MDGA2: variants seen among roughly 807,000 people sequenced by gnomAD.
The protein encoded by MDGA2 is MAM domain containing glycosylphosphatidylinositol anchor 2, also known as MAM domain-containing glycosylphosphatidylinositol anchor protein 2.
A neutral mutation model predicts 117.8 loss-of-function variants in MDGA2; 40 were observed. The ratio of observed to expected loss-of-function variants is 0.34; its 90% confidence interval spans 0.26 to 0.44. The LOEUF (loss-of-function observed/expected upper bound fraction) is 0.44, where lower values mean the gene tolerates loss of function less well. Ranked by LOEUF, MDGA2 falls within the 20% of genes least tolerant of loss-of-function variation. The pLI, the probability that MDGA2 is intolerant of heterozygous loss-of-function variation, is 1.00. For synonymous variants in MDGA2, 452 were observed against 439.0 expected (o/e 1.03, Z -0.37); for missense variants, 1,123 against 1,250.6 (o/e 0.90, Z 1.54).
chr14:47,348,052 A>G (rs1566749167), intron 1 of MDGA2, among the ~76,000 whole-genome samples: 1 of 152,064 alleles, frequency 6.6e-6, no homozygotes, highest in Non-Finnish European at 1.5e-5. Context: ...AAACTTTTTC[A>G]TAAAAAGCCT....
chr14:47,087,490 T>C, intron 6 of MDGA2, among the ~76,000 whole-genome samples: 1 of 138,706 alleles, frequency 7.2e-6, no homozygotes, highest in Non-Finnish European at 1.5e-5. Context: ...AAAAGAATTA[T>C]AGATGGTTAG....
intron 7 of MDGA2, among the ~76,000 whole-genome samples, chr14:47,056,709 G>A (rs1889687312): frequency 6.6e-6 from 1 of 152,106 alleles, no homozygotes; most frequent in African/African-American, 2.4e-5. Flanking sequence ...CTCTACCATG[G>A]AATAATACTG....
chr14:46,973,734 G>A (rs977912440), intron 8 of MDGA2, among the ~76,000 whole-genome samples: 1 of 151,992 alleles, frequency 6.6e-6, no homozygotes, highest in African/African-American at 2.4e-5. Context: ...AAATTGTAAA[G>A]AACAAACTAA....
At chr14:47,270,680 T>C (rs1287774568) in intron 2 of MDGA2, among the ~76,000 whole-genome samples, 1 of 152,132 alleles carries the variant, frequency 6.6e-6, no homozygotes, top group African/African-American at 2.4e-5. Context: ...ATACAAAAAC[T>C]TCTTAAATAT....
chr14:47,492,942 T>C (rs1044610491), intron 1 of MDGA2, among the ~76,000 whole-genome samples: 1 of 152,102 alleles, frequency 6.6e-6, no homozygotes, highest in Admixed American at 6.6e-5. Context: ...TTTACATGCA[T>C]CTAGGGAAAT....
At chr14:47,375,916 T>C (rs1168231241) in intron 1 of MDGA2, among the ~76,000 whole-genome samples, 1 of 152,160 alleles carries the variant, frequency 6.6e-6, no homozygotes, top group Non-Finnish European at 1.5e-5. Flanking sequence ...ATCTATTACC[T>C]ATTACCATGT....
chr14:47,482,416 G>A (rs1015653720), intron 1 of MDGA2, among the ~76,000 whole-genome samples: 8 of 152,000 alleles, frequency 5.3e-5, no homozygotes, highest in African/African-American at 1.7e-4. Flanking sequence ...ACACCAAACG[G>A]AAATTAGTTC....
At chr14:47,582,733 A>C (rs144136545) in intron 1 of MDGA2, among the ~76,000 whole-genome samples, 10 of 152,054 alleles carry the variant, frequency 6.6e-5, no homozygotes, top group Non-Finnish European at 8.8e-5. Flanking sequence ...TTCTACCCAG[A>C]TAAATCAATC....
At chr14:47,164,328 G>A (rs946437858) in intron 3 of MDGA2, among the ~76,000 whole-genome samples, 1 of 151,890 alleles carries the variant, frequency 6.6e-6, no homozygotes, top group African/African-American at 2.4e-5. Flanking sequence ...CCCATTTCTG[G>A]AGAAAATTTT....
chr14:47,514,945 T>C (rs1894720689), intron 1 of MDGA2, among the ~76,000 whole-genome samples: 1 of 152,176 alleles, frequency 6.6e-6, no homozygotes, highest in Non-Finnish European at 1.5e-5. Flanking sequence ...CTCTGTGTAA[T>C]TTAAGCCTAG....
intron 1 of MDGA2, among the ~76,000 whole-genome samples, chr14:47,540,032 TGAGACG>T (rs1174237836): frequency 1.1e-4 from 16 of 152,300 alleles, no homozygotes; most frequent in African/African-American, 3.6e-4. Flanking sequence ...CTTTTTTTTT[TGAGACG>T]GAGTCTCGCT....
chr14:47,443,291 T>C (rs1893051584), intron 1 of MDGA2, among the ~76,000 whole-genome samples: 1 of 152,064 alleles, frequency 6.6e-6, no homozygotes, highest in Admixed American at 6.6e-5. Context: ...ATAAAAGGCA[T>C]TAAATTTGTG....
intron 1 of MDGA2, among the ~76,000 whole-genome samples, chr14:47,635,854 G>C (rs1303176123): frequency 6.6e-6 from 1 of 152,088 alleles, no homozygotes; most frequent in Non-Finnish European, 1.5e-5. Context: ...CAAGCAGTGT[G>C]TGAATATCGA....
Position 47,495,625 on chromosome 14 carries a change from T to G in MDGA2, c.280+178892A>C, listed in dbSNP as rs537548849. The stretch of plus-strand genomic sequence containing the variant: ...TTATTTACTCCTCGTAGCCTCAATT[T>G]TCTATCTGCAAAATGTGATAGACCT... On this transcript the variant is annotated intron_variant, in intron 1 of 16. Coordinates refer to ENST00000399232, the MANE Select transcript of MDGA2 (RefSeq NM_001113498.3). Among the ~76,000 whole-genome samples the G allele has an allele frequency of 2.8e-4, 43 of 152,338 alleles. No homozygotes were observed. The South Asian group carries it at 6.2e-3, about 22-fold the overall frequency.
chr14:47,668,924 C>T (rs567728282), intron 1 of MDGA2, among the ~76,000 whole-genome samples: 17 of 152,210 alleles, frequency 1.1e-4, no homozygotes, highest in African/African-American at 3.1e-4. Flanking sequence ...AAACCTTGAG[C>T]CCAACCCTTG....
chr14:47,172,376 A>C (rs971940024), intron 3 of MDGA2, among the ~76,000 whole-genome samples: 3 of 151,878 alleles, frequency 2.0e-5, no homozygotes, highest in Non-Finnish European at 2.9e-5. Flanking sequence ...GACCCCCGAG[A>C]AGCCTAACTG....
intron 1 of MDGA2, among the ~76,000 whole-genome samples, chr14:47,572,406 A>G (rs1016333789): frequency 1.3e-5 from 2 of 152,220 alleles, no homozygotes; most frequent in African/African-American, 4.8e-5. Context: ...ATTTGGGATC[A>G]TGTTATTAAT....
chr14:47,135,229 T>C (rs929113117), intron 4 of MDGA2, among the ~76,000 whole-genome samples: 3 of 152,090 alleles, frequency 2.0e-5, no homozygotes, highest in African/African-American at 7.2e-5. Flanking sequence ...ACAGATATAA[T>C]AATTTAGTCA....
chr14:47,457,765 CT>C (rs1334959680), intron 1 of MDGA2, among the ~76,000 whole-genome samples: 1 of 148,666 alleles, frequency 6.7e-6, no homozygotes, highest in Admixed American at 6.7e-5. Context: ...TAATTTTAAC[CT>C]TTTATTAATG....
Sources: allele counts gnomAD v4.1 joint callset (sites outside exome capture counted in the v4.1 genomes callset), GRCh38; gene constraint gnomAD v4.1.1; transcripts MANE v1.5; gene names NCBI Gene and HGNC (gene_info 2026-07-23, HGNC 2026-07-21).